The following POLE3 variants were observed in gnomAD, a reference collection of about 807,000 sequenced individuals.
POLE3 encodes the protein DNA polymerase epsilon subunit 3.
Under a neutral mutation model 16.1 loss-of-function variants are expected in POLE3, and 10 were observed. That is an observed-to-expected ratio of 0.62 (90% CI 0.38 to 1.05). The LOEUF is 1.05. Ranked by LOEUF, POLE3 falls within the 50% of genes least tolerant of loss-of-function variation. The pLI is 0.01. For synonymous variants in POLE3, 83 were observed against 71.0 expected, an observed-to-expected ratio of 1.17 and a Z score of -0.85; for missense variants, 169 against 185.0, an observed-to-expected ratio of 0.91 and a Z score of 0.50.
At chr9:113,409,569 G>T in intron 4 of POLE3, 41 bp downstream of exon 4, 1 of 1,195,276 alleles carries the variant, frequency 8.4e-7, no homozygotes, top group Non-Finnish European at 1.2e-6. Context: ...CACACAGGAT[G>T]ACCATCTTCT....
At chr9:113,409,153 G>A (rs1330142353) in intron 4 of POLE3, among the ~76,000 whole-genome samples, 170 bp from the exon 5 acceptor site, 6 of 152,066 alleles carry the variant, frequency 3.9e-5, no homozygotes, top group African/African-American at 1.4e-4. Flanking sequence ...CCTGAGGTCA[G>A]GAGTTCAAGA....
At position 113,408,008 on chromosome 9, in the gene POLE3, T is replaced by A. The variant is rs1827975858; in HGVS notation, c.*803A>T. The A allele has an allele frequency of 6.6e-6, 1 of 152,666 alleles. No individual in the cohort carries two copies. Among genetic ancestry groups the A allele is most frequent in the South Asian group, 2.1e-4 (1 of 4,832 alleles). 9.5% of individuals were successfully genotyped at this position (152,666 alleles called of 1,614,324 possible). On this transcript the variant is annotated 3_prime_UTR_variant, in exon 5 of 5. Coordinates refer to ENST00000374171, the MANE Select transcript of POLE3 (RefSeq NM_017443.5). Reference sequence around the variant, plus strand: ...TACAAGAAGAGGAAGCCTGGGGTTTTACACCTTCCGGGAGGTGATGACAAA... The same window carrying A: ...TACAAGAAGAGGAAGCCTGGGGTTTAACACCTTCCGGGAGGTGATGACAAA...
chr9:113,410,231 C>T lies in POLE3; in HGVS notation c.63G>A (p.Glu21=). The change falls in exon 2 of 5, where the codon GAG becomes GAA. Residue 21 remains glutamate (E), a synonymous_variant. Transcript: ENST00000374171. Reference sequence around the variant, plus strand: ...CCGCCCCCCCCGAGCTGCTCACCGCCTCCTTGATGATCCTGGTGATCACGG... The same window carrying T: ...CCGCCCCCCCCGAGCTGCTCACCGCTTCCTTGATGATCCTGGTGATCACGG... ...PNAVITRIIK[E]ALPDGVNISK... 1 of 1,613,832 alleles carries T rather than the reference C, an allele frequency of 6.2e-7. No individual in the cohort carries two copies. Among genetic ancestry groups the T allele is most frequent in the Non-Finnish European group, 8.5e-7 (1 of 1,179,996 alleles).
At position 113,409,849 on chromosome 9, in the gene POLE3, G is replaced by T. The variant is rs35112028; in HGVS notation, c.153-121C>A. 8.0e-4 allele frequency: 633 copies of T among 793,902 alleles called. No individual in the cohort carries two copies. The African/African-American group carries it at 9.7e-3, about 12-fold the overall frequency. The allele number at this position is 793,902 out of a possible 1,614,324, so 49.2% of individuals were successfully genotyped here. A position where few individuals can be genotyped will look rare whatever the true frequency, so the allele number is the denominator to read the frequency against. Reference sequence around the variant, plus strand: ...ACATGTATGGATTTTGGTGTGACAGGGATAAGTCCTTCCCTTCTCTGCACA... The same window carrying T: ...ACATGTATGGATTTTGGTGTGACAGTGATAAGTCCTTCCCTTCTCTGCACA... On this transcript the variant is annotated intron_variant, in intron 3 of 4. Transcript: ENST00000374171.
chr9:113,409,573 A>G, intron 4 of POLE3, 37 bp downstream of exon 4: 1 of 1,237,026 alleles, frequency 8.1e-7, no homozygotes, highest in Non-Finnish European at 1.2e-6. Context: ...CAGGATGACC[A>G]TCTTCTATGT....
At position 113,408,948 on chromosome 9, in the gene POLE3, A is replaced by G. The variant is rs1441044325; in HGVS notation, c.307T>C (p.Ser103Pro). The change falls in exon 5 of 5, where the codon TCA becomes CCA. Residue 103 changes from serine to proline, a missense_variant. Coordinates refer to ENST00000374171, the MANE Select transcript of POLE3 (RefSeq NM_017443.5). ...TCTTTGTCCTTCTTCTTTTGCTCTGAGGCCTCCTTCTTGCCTTTCTGCTCC... is the reference window on the plus strand; with the variant it reads ...TCTTTGTCCTTCTTCTTTTGCTCTGGGGCCTCCTTCTTGCCTTTCTGCTCC... ...RREQKGKKEASEQKKKDKDKK... is the reference protein window; with the variant it reads ...RREQKGKKEAPEQKKKDKDKK... The G allele has an allele frequency of 6.2e-7, 1 of 1,613,686 alleles. No homozygotes were observed. Among genetic ancestry groups the G allele is most frequent in the Admixed American group, 1.7e-5 (1 of 59,986 alleles).
intron 1 of POLE3, 58 bp downstream of exon 1, chr9:113,410,559 C>T: frequency 1.7e-6 from 1 of 571,774 alleles, no homozygotes; most frequent in South Asian, 2.1e-5. Flanking sequence ...ACCCCGCACG[C>T]CCCTCCCCAG....
At chr9:113,410,540 C>A in intron 1 of POLE3, 77 bp downstream of exon 1, 2 of 588,374 alleles carry the variant, frequency 3.4e-6, no homozygotes, top group Non-Finnish European at 6.1e-6. Context: ...TTCCATCCAA[C>A]CCTACCGCAC....
intron 4 of POLE3, among the ~76,000 whole-genome samples, 186 bp from the exon 5 acceptor site, chr9:113,409,169 C>T (rs952757138): frequency 2.0e-5 from 3 of 151,886 alleles, no homozygotes; most frequent in Non-Finnish European, 4.4e-5. Flanking sequence ...CAAGACCAGC[C>T]TGGCCAATAT....
At position 113,409,733 on chromosome 9, in the gene POLE3, G is replaced by C. The variant is rs181264919; in HGVS notation, c.153-5C>G. Reference sequence around the variant, plus strand: ...TTCATTGCAAAGTTGTTAGCACTGAGAGAAGAGAAAGGCTGTCAGACTCCC... The same window carrying C: ...TTCATTGCAAAGTTGTTAGCACTGACAGAAGAGAAAGGCTGTCAGACTCCC... On this transcript the variant is annotated splice_polypyrimidine_tract_variant and splice_region_variant and intron_variant, in intron 3 of 4. Transcript: ENST00000374171. The C allele has an allele frequency of 1.2e-4, 188 of 1,570,808 alleles. 1 individual carries two copies. In the East Asian group the frequency reaches 2.5e-3, roughly 21 times the overall value.
At chr9:113,409,125 G>A in intron 4 of POLE3, 142 bp from the exon 5 acceptor site, 1 of 664,938 alleles carries the variant, frequency 1.5e-6, no homozygotes, top group Non-Finnish European at 2.6e-6. Flanking sequence ...ACTTTGGGAG[G>A]CTGAGACGGG....
Position 113,408,557 on chromosome 9 carries a change from T to G in POLE3, c.*254A>C. 3.2e-6 allele frequency: 1 copy of G among 307,822 alleles called. No homozygotes were observed. The highest frequency in any genetic ancestry group is 6.1e-6 in the Non-Finnish European group (1 of 163,868). 19.1% of individuals were successfully genotyped at this position (307,822 alleles called of 1,614,324 possible). ...AACAAAAGCGAGCAAACTGACTAAT[T>G]TAGTCGTTCAGAATCCCTCTTGTCA... On this transcript the variant is annotated 3_prime_UTR_variant, in exon 5 of 5. Coordinates refer to ENST00000374171, the MANE Select transcript of POLE3 (RefSeq NM_017443.5).
chr9:113,409,056 T>C, intron 4 of POLE3, 73 bp from the exon 5 acceptor site: 2 of 1,405,418 alleles, frequency 1.4e-6, no homozygotes, highest in Non-Finnish European at 2.0e-6. Flanking sequence ...GCTAATTACA[T>C]TGTACAATTG....
At position 113,410,141 on chromosome 9, in the gene POLE3, C is replaced by G; in HGVS notation, c.67-1G>C. ...TGGAGATGTTGACACCGTCCGGGAG[C>G]TGCGAGGAGACCGGGGGTGAGCAAA... is the stretch of plus-strand genomic sequence containing the variant. On this transcript the variant is annotated splice_acceptor_variant, in intron 2 of 4. Coordinates refer to ENST00000374171, the MANE Select transcript of POLE3 (RefSeq NM_017443.5). LOFTEE classifies it high-confidence loss of function. 4 of 1,600,810 alleles carry G rather than the reference C, an allele frequency of 2.5e-6. No individual in the cohort carries two copies. Among genetic ancestry groups the G allele is most frequent in the Non-Finnish European group, 3.4e-6 (4 of 1,174,136 alleles).
Position 113,410,274 on chromosome 9 carries a change from T to A in POLE3, c.20A>T (p.Asp7Val). 1 of 1,613,456 alleles carries A rather than the reference T, an allele frequency of 6.2e-7. No homozygotes were observed. Among genetic ancestry groups the A allele is most frequent in the Non-Finnish European group, 8.5e-7 (1 of 1,179,930 alleles). Reference sequence around the variant, plus strand: ...GATCACGGCATTGGGCAGGTTTAGGTCCTCGGGCCTCTCCGCCATTGCCGC... The same window carrying A: ...GATCACGGCATTGGGCAGGTTTAGGACCTCGGGCCTCTCCGCCATTGCCGC... Reference protein sequence around the residue: MAERPEDLNLPNAVITR... With the variant: MAERPEVLNLPNAVITR... Residue 7 changes from aspartate to valine, a missense_variant, in exon 2 of 5, where the codon GAC (aspartate) becomes GTC (valine). Asp to Val is a radical substitution (Grantham distance 152). Transcript: ENST00000374171.
rs538980498 is a variant in POLE3, at chr9:113,407,639, T to C, written c.*1172A>G. ...GCGGGAGGATCACCTGAGCCCAGGA[T>C]TTCAAGGATGCAATGAGCTATGATC... is the stretch of plus-strand genomic sequence containing the variant. On this transcript the variant is annotated 3_prime_UTR_variant, in exon 5 of 5. Coordinates refer to ENST00000374171, the MANE Select transcript of POLE3 (RefSeq NM_017443.5). The C allele has an allele frequency of 6.6e-6, 1 of 152,162 alleles. No homozygotes were observed. The highest frequency in any genetic ancestry group is 6.6e-5 in the Admixed American group (1 of 15,254). The allele number at this position is 152,162 out of a possible 1,614,324, so 9.4% of individuals were successfully genotyped here. A position where few individuals can be genotyped will look rare whatever the true frequency, so the allele number is the denominator to read the frequency against.
Position 113,409,614 on chromosome 9 carries a change from C to T in POLE3, c.267G>A (p.Leu89=). Residue 89 remains leucine, a synonymous_variant, in exon 4 of 5, where the codon CTG becomes CTA. Coordinates refer to ENST00000374171, the MANE Select transcript of POLE3 (RefSeq NM_017443.5). The stretch of plus-strand genomic sequence containing the variant: ...AGAAGACAAGAGGCTCGTTACCTTC[C>T]AGAGCTTCTTTCAATGGGGTAACGA... The part of the protein sequence containing the change: ...QRFVTPLKEA[L]EAYRREQKGK... The T allele has an allele frequency of 6.3e-7, 1 of 1,577,358 alleles. No individual in the cohort carries two copies. The highest frequency in any genetic ancestry group is 8.7e-7 in the Non-Finnish European group (1 of 1,146,742).
chr9:113,409,857 C>T, intron 3 of POLE3, 129 bp from the exon 4 acceptor site: 1 of 779,278 alleles, frequency 1.3e-6, no homozygotes, highest in South Asian at 1.6e-5. Flanking sequence ...AGGGATAAGT[C>T]CTTCCCTTCT....
At position 113,408,839 on chromosome 9, in the gene POLE3, T is replaced by TGAA; in HGVS notation, c.415_416insTTC (p.Glu138_Gln139insLeu). ...GTTGTCTACTTCTTCCTCTTCATTC[T>TGAA]GTTCTTCTTCTTCCAGCCTTTCTTC... On this transcript the variant is annotated inframe_insertion, in exon 5 of 5. Coordinates refer to ENST00000374171, the MANE Select transcript of POLE3 (RefSeq NM_017443.5). 2.5e-6 allele frequency: 4 copies of TGAA among 1,613,898 alleles called. No individual in the cohort carries two copies. The highest frequency in any genetic ancestry group is 3.4e-6 in the Non-Finnish European group (4 of 1,179,838).
Sources: gnomAD v4.1 joint callset for allele counts (sites outside exome capture counted in the v4.1 genomes callset) on GRCh38, gnomAD v4.1.1 for gene constraint, MANE v1.5 for transcripts, NCBI Gene and HGNC (gene_info 2026-07-23, HGNC 2026-07-21) for gene names.